The following SLC24A2 variants were observed in gnomAD, a reference collection of about 807,000 sequenced individuals.
The protein encoded by SLC24A2 is sodium/potassium/calcium exchanger 2.
In SLC24A2, 36 loss-of-function variants were observed where a neutral mutation model predicts 62.0. That is an observed-to-expected ratio of 0.58 (90% CI 0.44 to 0.77). The LOEUF (loss-of-function observed/expected upper bound fraction) is 0.77. Among genes scored for constraint, SLC24A2 ranks in the 30% least tolerant of loss-of-function variants. SLC24A2 has a pLI of 0.00. For missense variants in SLC24A2, 846 were observed against 817.9 expected (o/e 1.03, Z -0.42); for synonymous variants, 358 against 294.0 (o/e 1.22, Z -2.23).
chr9:19,559,354 T>G (rs1411276222), intron 7 of SLC24A2, among the ~76,000 whole-genome samples: 1 of 152,204 alleles, frequency 6.6e-6, no homozygotes, highest in Non-Finnish European at 1.5e-5. Context: ...TAATTTCTTA[T>G]TCTCTCAGGC....
At chr9:20,016,773 G>A in the SLC24A2 span, among the ~76,000 whole-genome samples, 2 of 152,078 alleles carry the variant, frequency 1.3e-5, no homozygotes, top group Non-Finnish European at 2.9e-5. Flanking sequence ...AAAGATAGGG[G>A]AGGATACACT....
intron 8 of SLC24A2, among the ~76,000 whole-genome samples, chr9:19,542,443 C>T (rs202167397): frequency 6.6e-6 from 1 of 152,144 alleles, no homozygotes; most frequent in Non-Finnish European, 1.5e-5. Flanking sequence ...CTTTCTCTTG[C>T]CTGATTGCCC....
chr9:20,248,939 C>T, the SLC24A2 span, among the ~76,000 whole-genome samples: 1 of 152,208 alleles, frequency 6.6e-6, no homozygotes, highest in African/African-American at 2.4e-5. Context: ...GTCTCCCTTT[C>T]TCCCCCTGGA....
At chr9:20,031,109 CACACACATATATATTCACAT>C in the SLC24A2 span, among the ~76,000 whole-genome samples, 1 of 151,582 alleles carries the variant, frequency 6.6e-6, no homozygotes, top group Admixed American at 6.6e-5. Flanking sequence ...TATATGTATA[CACACACATATATATTCACAT>C]ACACACATAT....
At chr9:19,555,159 G>C (rs1228283655) in intron 7 of SLC24A2, among the ~76,000 whole-genome samples, 1 of 151,498 alleles carries the variant, frequency 6.6e-6, no homozygotes, top group Non-Finnish European at 1.5e-5. Flanking sequence ...TAATCAAAAG[G>C]GCACTCTTAA....
At chr9:20,143,085 T>C in the SLC24A2 span, among the ~76,000 whole-genome samples, 349 of 152,354 alleles carry the variant, frequency 2.3e-3, 3 homozygotes, top group African/African-American at 8.0e-3. Context: ...TGCATTCAAA[T>C]GTAGGTCTGC....
chr9:19,542,070 A>C (rs1005360065), intron 8 of SLC24A2, among the ~76,000 whole-genome samples: 38 of 152,212 alleles, frequency 2.5e-4, no homozygotes, highest in Non-Finnish European at 4.6e-4. Flanking sequence ...CGGCTCGCGC[A>C]CGGTGCACGC....
the SLC24A2 span, among the ~76,000 whole-genome samples, chr9:19,842,795 C>T: frequency 6.6e-6 from 1 of 152,212 alleles, no homozygotes; most frequent in Admixed American, 6.5e-5. Context: ...CAGTCCCCCT[C>T]TAAAATTTCT....
intron 7 of SLC24A2, among the ~76,000 whole-genome samples, chr9:19,550,837 AG>A (rs1834809321): frequency 6.6e-6 from 1 of 151,636 alleles, no homozygotes; most frequent in Admixed American, 6.6e-5. Flanking sequence ...ATTTTTGTGT[AG>A]TTGTGAGTTT....
the SLC24A2 span, among the ~76,000 whole-genome samples, chr9:20,198,854 C>G: frequency 6.6e-6 from 1 of 152,218 alleles, no homozygotes; most frequent in Non-Finnish European, 1.5e-5. Context: ...ATCAGTTTCT[C>G]AGAAAGAGGA....
intron 2 of SLC24A2, among the ~76,000 whole-genome samples, chr9:19,679,247 T>C (rs1428768674): frequency 6.6e-6 from 1 of 152,148 alleles, no homozygotes; most frequent in African/African-American, 2.4e-5. Flanking sequence ...TTATCAATAT[T>C]GGTTATCTCT....
the SLC24A2 span, among the ~76,000 whole-genome samples, chr9:19,945,968 T>C: frequency 3.3e-5 from 5 of 152,172 alleles, no homozygotes; most frequent in Non-Finnish European, 7.3e-5. Flanking sequence ...GGGAATCATC[T>C]CAAATACAGT....
At chr9:20,229,452 G>T in the SLC24A2 span, among the ~76,000 whole-genome samples, 334 of 152,246 alleles carry the variant, frequency 2.2e-3, 1 homozygote, top group African/African-American at 7.3e-3. Context: ...GTGTGTACAA[G>T]CTTTTACTTG....
the SLC24A2 span, among the ~76,000 whole-genome samples, chr9:20,218,886 G>A: frequency 6.6e-6 from 1 of 152,146 alleles, no homozygotes; most frequent in South Asian, 2.1e-4. Context: ...TGTCTGCGAG[G>A]AATGCAGCCT....
intron 8 of SLC24A2, among the ~76,000 whole-genome samples, chr9:19,534,888 T>C (rs1240013643): frequency 6.6e-6 from 1 of 151,840 alleles, no homozygotes; most frequent in Non-Finnish European, 1.5e-5. Context: ...ATGAGATTGC[T>C]GGGTCAAATG....
chr9:19,755,634 T>G (rs1399910470), intron 2 of SLC24A2, among the ~76,000 whole-genome samples: 1 of 152,172 alleles, frequency 6.6e-6, no homozygotes, highest in Admixed American at 6.5e-5. Flanking sequence ...ATGCTCCATT[T>G]TCCTCAGTAA....
chr9:19,561,916 T>C (rs918341451), intron 7 of SLC24A2, among the ~76,000 whole-genome samples: 2 of 152,196 alleles, frequency 1.3e-5, no homozygotes, highest in African/African-American at 2.4e-5. Flanking sequence ...CTTAATCTTC[T>C]TGGACAAGAC....
At chr9:19,999,721 G>C in the SLC24A2 span, among the ~76,000 whole-genome samples, 1 of 152,186 alleles carries the variant, frequency 6.6e-6, no homozygotes, top group East Asian at 1.9e-4. Context: ...TGAGTGAGCA[G>C]TTATGGAATT....
the SLC24A2 span, among the ~76,000 whole-genome samples, chr9:19,969,366 T>A: frequency 6.6e-6 from 1 of 152,286 alleles, no homozygotes; most frequent in Non-Finnish European, 1.5e-5. Flanking sequence ...AGTTAAATGA[T>A]AATTTCCATA....
Sources: gnomAD v4.1 joint callset for allele counts (sites outside exome capture counted in the v4.1 genomes callset) on GRCh38, gnomAD v4.1.1 for gene constraint, MANE v1.5 for transcripts, NCBI Gene and HGNC (gene_info 2026-07-23, HGNC 2026-07-21) for gene names.